The following TENM3 variants were observed in gnomAD, a reference collection of about 807,000 sequenced individuals.
The protein encoded by TENM3 is teneurin-3.
TENM3 carries 63 observed loss-of-function variants against 255.1 expected under a neutral mutation model. That is an observed-to-expected ratio of 0.25 (90% CI 0.20 to 0.30). TENM3 has a LOEUF of 0.30. Ranked by LOEUF, TENM3 falls within the 10% of genes least tolerant of loss-of-function variation. TENM3 has a pLI of 1.00. For missense variants in TENM3, 2,929 were observed against 3,461.1 expected (o/e 0.85, Z 3.86); for synonymous variants, 1,306 against 1,322.3 (o/e 0.99, Z 0.27).
chr4:182,675,380 A>G (rs1055689712), intron 7 of TENM3, among the ~76,000 whole-genome samples: 1 of 151,998 alleles, frequency 6.6e-6, no homozygotes, highest in Non-Finnish European at 1.5e-5. Flanking sequence ...CATCTCTACT[A>G]AAAATACAAA....
the TENM3 span, among the ~76,000 whole-genome samples, chr4:181,738,854 A>G: frequency 3.9e-5 from 6 of 152,186 alleles, no homozygotes; most frequent in African/African-American, 1.4e-4. Context: ...TAATGTATCT[A>G]TTATTTCCCA....
the TENM3 span, among the ~76,000 whole-genome samples, chr4:181,494,289 G>A: frequency 1.3e-5 from 2 of 152,000 alleles, no homozygotes; most frequent in Non-Finnish European, 2.9e-5. Flanking sequence ...AAAGTCCGTT[G>A]GCTTCTTTTT....
the TENM3 span, among the ~76,000 whole-genome samples, chr4:181,583,031 C>G: frequency 5.6e-4 from 86 of 152,264 alleles, 2 homozygotes; most frequent in African/African-American, 2.1e-3. Flanking sequence ...TGCACACACA[C>G]ACATCTTTGG....
intron 1 of TENM3, among the ~76,000 whole-genome samples, chr4:182,173,401 G>C (rs1364065683): frequency 6.6e-6 from 1 of 152,172 alleles, no homozygotes; most frequent in African/African-American, 2.4e-5. Flanking sequence ...GTAGGAAGTT[G>C]TGGTTAAACC....
At chr4:181,528,810 C>G in the TENM3 span, among the ~76,000 whole-genome samples, 1 of 152,140 alleles carries the variant, frequency 6.6e-6, no homozygotes, top group Non-Finnish European at 1.5e-5. Context: ...CAGGTTCCTT[C>G]CCTGAGAGGC....
the TENM3 span, among the ~76,000 whole-genome samples, chr4:181,982,967 A>G: frequency 0.028 from 4,339 of 152,246 alleles, 114 homozygotes; most frequent in Non-Finnish European, 0.048. Context: ...ATACCAAGAA[A>G]CTAGCAGATT....
At chr4:181,570,543 A>G in the TENM3 span, among the ~76,000 whole-genome samples, 1 of 151,654 alleles carries the variant, frequency 6.6e-6, no homozygotes, top group African/African-American at 2.4e-5. Context: ...GAAAGAAAGA[A>G]AGAAAAGAGA....
rs758643488 is a variant in TENM3, at chr4:182,324,197, C to T, written c.177C>T (p.Tyr59=). The T allele has an allele frequency of 1.2e-6, 2 of 1,613,844 alleles. No individual in the cohort carries two copies. The highest frequency in any genetic ancestry group is 1.3e-5 in the African/African-American group (1 of 74,932). The stretch of plus-strand genomic sequence containing the variant: ...ATCATGATTCCTCGCGGCTGCTTTA[C>T]GGCAACAGAGTGAAGGATTTGGTTC... ...AFDHDSSRLL[Y]GNRVKDLVHR... Residue 59 remains tyrosine (Y), a synonymous_variant, in exon 2 of 28, where the codon TAC becomes TAT. Transcript: ENST00000511685.
intron 3 of TENM3, among the ~76,000 whole-genome samples, chr4:182,381,761 A>G (rs1222284563): frequency 3.3e-5 from 5 of 152,086 alleles, no homozygotes; most frequent in Non-Finnish European, 7.4e-5. Context: ...GTGTTTCTAC[A>G]TGTTGGTCAG....
intron 6 of TENM3, among the ~76,000 whole-genome samples, chr4:182,656,526 A>G (rs1292543883): frequency 6.6e-6 from 1 of 152,122 alleles, no homozygotes; most frequent in African/African-American, 2.4e-5. Flanking sequence ...CTCAGTGTCC[A>G]TGCACCACCA....
chr4:181,910,085 TAAA>T, the TENM3 span, among the ~76,000 whole-genome samples: 1 of 151,860 alleles, frequency 6.6e-6, no homozygotes, highest in Non-Finnish European at 1.5e-5. Flanking sequence ...ATGTGTAACA[TAAA>T]GTAATGACAC....
the TENM3 span, among the ~76,000 whole-genome samples, chr4:181,570,436 G>A: frequency 3.9e-5 from 6 of 151,944 alleles, no homozygotes; most frequent in Non-Finnish European, 7.4e-5. Context: ...TAGAGGTCAA[G>A]GCTGCAATGA....
the TENM3 span, among the ~76,000 whole-genome samples, chr4:181,755,787 G>T: frequency 3.3e-5 from 5 of 152,198 alleles, no homozygotes; most frequent in South Asian, 2.1e-4. Flanking sequence ...CTATGTGTTT[G>T]TAAGAGTAAA....
chr4:182,350,978 C>T (rs1260329831), intron 3 of TENM3, among the ~76,000 whole-genome samples: 1 of 152,164 alleles, frequency 6.6e-6, no homozygotes, highest in Non-Finnish European at 1.5e-5. Flanking sequence ...CCACCGCGCC[C>T]GGCCACTGAC....
the TENM3 span, among the ~76,000 whole-genome samples, chr4:181,677,422 A>C: frequency 1.3e-5 from 2 of 152,258 alleles, no homozygotes; most frequent in East Asian, 1.9e-4. Context: ...CAAAAGAGAC[A>C]TTCCTTTGAA....
intron 1 of TENM3, among the ~76,000 whole-genome samples, chr4:182,284,822 GGAGA>G (rs1239088458): frequency 6.6e-6 from 1 of 152,180 alleles, no homozygotes; most frequent in African/African-American, 2.4e-5. Flanking sequence ...CGGCGATAGA[GGAGA>G]GAGACAGGGC....
At chr4:182,583,109 A>G (rs960543787) in intron 3 of TENM3, among the ~76,000 whole-genome samples, 4 of 152,216 alleles carry the variant, frequency 2.6e-5, no homozygotes, top group African/African-American at 9.6e-5. Flanking sequence ...TGAGATCCCT[A>G]AAGACCACAG....
chr4:182,327,446 A>C (rs990119144), intron 2 of TENM3, among the ~76,000 whole-genome samples: 1 of 152,218 alleles, frequency 6.6e-6, no homozygotes, highest in Non-Finnish European at 1.5e-5. Context: ...TATATGGAGA[A>C]TTCAAATCGA....
In TENM3 at chr4:182,747,831, T is replaced by C. The variant is rs1762113760; in HGVS notation, c.3630-3969T>C. 2.6e-5 allele frequency among the ~76,000 whole-genome samples: 4 copies of C among 152,188 alleles called. No individual in the cohort carries two copies. In the South Asian group the frequency reaches 8.3e-4, roughly 32 times the overall value. ...TTTAAAAATCAAGCAGGCATGGAAA[T>C]ATCACACCCCAAGTCCCTGCTTGCA... is the stretch of plus-strand genomic sequence containing the variant. On this transcript the variant is annotated intron_variant, in intron 19 of 27. Transcript: ENST00000511685.
Sources: allele counts gnomAD v4.1 joint callset (sites outside exome capture counted in the v4.1 genomes callset), GRCh38; gene constraint gnomAD v4.1.1; transcripts MANE v1.5; gene names NCBI Gene and HGNC (gene_info 2026-07-23, HGNC 2026-07-21).